The following DAZAP1 variants were observed in gnomAD, a reference collection of about 807,000 sequenced individuals.
DAZAP1 encodes the protein DAZ associated protein 1.
DAZAP1 carries 6 observed loss-of-function variants against 60.1 expected under a neutral mutation model. That is an observed-to-expected ratio of 0.10 (90% CI 0.05 to 0.20). DAZAP1 has a LOEUF of 0.20. Ranked by LOEUF, DAZAP1 falls within the 10% of genes least tolerant of loss-of-function variation. DAZAP1 has a pLI of 1.00. For synonymous variants in DAZAP1, 235 were observed against 215.9 expected (o/e 1.09, Z -0.78); for missense variants, 366 against 560.4 (o/e 0.65, Z 3.50).
At chr19:1,420,597 G>A (rs923295237) in intron 4 of DAZAP1, among the ~76,000 whole-genome samples, 5 of 152,122 alleles carry the variant, frequency 3.3e-5, no homozygotes, top group African/African-American at 9.7e-5. Flanking sequence ...CCCAGTGAGC[G>A]CCGAGGCCCC....
chr19:1,408,131 C>T (rs2082718298), intron 1 of DAZAP1, among the ~76,000 whole-genome samples: 1 of 151,456 alleles, frequency 6.6e-6, no homozygotes, highest in Admixed American at 6.6e-5. Flanking sequence ...GGGGGGTGTC[C>T]TGGGGCGCCC....
In DAZAP1 at chr19:1,433,434, A is replaced by G. The variant is rs182965746; in HGVS notation, c.1048+744A>G. On this transcript the variant is annotated intron_variant, in intron 11 of 11. Transcript: ENST00000233078. The surrounding 1 kb of genome is among the most constrained non-coding windows in gnomAD (Gnocchi z 6.1). ...ATGGGGCACCTGTCTGCAGGTGGCCACGGGCTTCCGGGGTGCCTGTGAACA... is the reference window on the plus strand; with the variant it reads ...ATGGGGCACCTGTCTGCAGGTGGCCGCGGGCTTCCGGGGTGCCTGTGAACA... 2.5e-5 allele frequency: 10 copies of G among 405,414 alleles called. No homozygotes were observed. In the East Asian group the frequency reaches 4.9e-4, roughly 20 times the overall value. 25.1% of individuals were successfully genotyped at this position (405,414 alleles called of 1,614,324 possible). A position where few individuals can be genotyped will look rare whatever the true frequency, so the allele number is the denominator to read the frequency against.
chr19:1,415,095 A>AC (rs569820167), intron 1 of DAZAP1, among the ~76,000 whole-genome samples: 188 of 151,644 alleles, frequency 1.2e-3, no homozygotes, highest in African/African-American at 2.5e-3. Flanking sequence ...AGGTTATCTA[A>AC]CCCCCCCGGC....
At position 1,407,619 on chromosome 19, in the gene DAZAP1, AGCCGCC is replaced by A. The variant is rs878911770; in HGVS notation, c.-117_-112del. The A allele has an allele frequency of 6.9e-3, 1,642 of 239,596 alleles. 22 individuals carry two copies. Among genetic ancestry groups the A allele is most frequent in the East Asian group, 0.041 (231 of 5,582 alleles). The allele number at this position is 239,596 out of a possible 1,614,324, so 14.8% of individuals were successfully genotyped here. Reference sequence around the variant, plus strand: ...ACCGTTGGCGCCGAGGGGAGGAGGCAGCCGCCGCCGCCGCCGCCGCCGCCGCCGCCG... The same window carrying A: ...ACCGTTGGCGCCGAGGGGAGGAGGCAGCCGCCGCCGCCGCCGCCGCCGCCG... On this transcript the variant is annotated 5_prime_UTR_variant, in exon 1 of 12. Coordinates refer to ENST00000233078, the MANE Select transcript of DAZAP1 (RefSeq NM_018959.4).
chr19:1,408,718 C>T (rs993448276), intron 1 of DAZAP1, among the ~76,000 whole-genome samples: 2 of 152,222 alleles, frequency 1.3e-5, no homozygotes, highest in African/African-American at 4.8e-5. Flanking sequence ...TTTGCTGCGC[C>T]GAGGCGTCCC....
chr19:1,431,794 A>T (rs1435453787), intron 10 of DAZAP1, among the ~76,000 whole-genome samples: 1 of 152,044 alleles, frequency 6.6e-6, no homozygotes, highest in Non-Finnish European at 1.5e-5. Context: ...CTAGCCAGGG[A>T]TTGCACCTCA....
chr19:1,413,989 C>CTCTGTG (rs1555780540), intron 1 of DAZAP1, among the ~76,000 whole-genome samples: 1 of 130,066 alleles, frequency 7.7e-6, no homozygotes, highest in South Asian at 2.9e-4. Context: ...CCCCAGTGAA[C>CTCTGTG]TGTGTGTGTG....
At chr19:1,407,934 C>G (rs867808041) in intron 1 of DAZAP1, 132 bp downstream of exon 1, 1 of 829,084 alleles carries the variant, frequency 1.2e-6, no homozygotes, top group African/African-American at 1.8e-5. Flanking sequence ...ACTCGGGACC[C>G]GGACTCGCCG....
chr19:1,428,689 A>G lies in DAZAP1; in HGVS notation c.547-153A>G. 1 of 944,930 alleles carries G rather than the reference A, an allele frequency of 1.1e-6. No homozygotes were observed. Among genetic ancestry groups the G allele is most frequent in the Non-Finnish European group, 1.5e-6 (1 of 645,798 alleles). 58.5% of individuals were successfully genotyped at this position (944,930 alleles called of 1,614,324 possible). ...ACACAAAAGAATTTTTTAAGAAAAA[A>G]ATGCTACTGGCCTAAATAAGGTTTA... On this transcript the variant is annotated intron_variant, in intron 7 of 11. Transcript: ENST00000233078. The surrounding 1 kb of genome is among the most constrained non-coding windows in gnomAD (Gnocchi z 4.0).
rs978282258 is a variant in DAZAP1 at position 1,432,205 on chromosome 19, G to T, written c.872-309G>T. The T allele has an allele frequency of 1.3e-5, 6 of 444,720 alleles. No homozygotes were observed. In the East Asian group the frequency reaches 2.3e-4, roughly 17 times the overall value. The allele number at this position is 444,720 out of a possible 1,614,324, so 27.5% of individuals were successfully genotyped here. Reference sequence around the variant, plus strand: ...TTTGTCCTTCTGAAAGAGCAATTTTGCTGTGAGGTTACTTGCTCCTTGAGT... The same window carrying T: ...TTTGTCCTTCTGAAAGAGCAATTTTTCTGTGAGGTTACTTGCTCCTTGAGT... On this transcript the variant is annotated intron_variant, in intron 10 of 11. Transcript: ENST00000233078. The surrounding 1 kb of genome is among the most constrained non-coding windows in gnomAD (Gnocchi z 4.9).
intron 1 of DAZAP1, among the ~76,000 whole-genome samples, chr19:1,415,563 G>T (rs1372420398): frequency 6.6e-6 from 1 of 151,946 alleles, no homozygotes; most frequent in African/African-American, 2.4e-5. Context: ...ATGTGGGCGG[G>T]GCTGGCCCTG....
chr19:1,430,269 C>CCCCCCGGAA lies in DAZAP1; in HGVS notation c.779_780insCCCCGGAAC (p.Pro261_Phe262insGlyThrPro). On this transcript the variant is annotated inframe_insertion, in exon 10 of 12. Transcript: ENST00000233078. ...AGGAAGAGGAGCCCCCCCGCCACCC[C>CCCCCCGGAA]CACCGTTCACCTCCTACATCGTGTC... 1.5e-6 allele frequency: 2 copies of CCCCCCGGAA among 1,356,196 alleles called. No individual in the cohort carries two copies. The highest frequency in any genetic ancestry group is 1.0e-6 in the Non-Finnish European group (1 of 971,284). 84.0% of individuals were successfully genotyped at this position (1,356,196 alleles called of 1,614,324 possible).
chr19:1,429,867 G>A, intron 8 of DAZAP1, 100 bp from the exon 9 acceptor site: 1 of 1,445,586 alleles, frequency 6.9e-7, no homozygotes, highest in Non-Finnish European at 9.5e-7. Context: ...GAGGCTCCGG[G>A]GTTGGTCCCA....
At chr19:1,429,171 C>T (rs2083378756) in intron 8 of DAZAP1, among the ~76,000 whole-genome samples, 176 bp downstream of exon 8, 1 of 152,114 alleles carries the variant, frequency 6.6e-6, no homozygotes, top group Non-Finnish European at 1.5e-5. Flanking sequence ...TCCCGGGCAG[C>T]ACCCGCAGCC....
chr19:1,418,149 C>T lies in DAZAP1; in HGVS notation c.71-55C>T, dbSNP rs1004048848. ...TGCGTGCCGGCAGCACTGCCAGGCA[C>T]GTGCCTAATGCTCTGGCCCTGTGTG... On this transcript the variant is annotated intron_variant, in intron 2 of 11. Coordinates refer to ENST00000233078, the MANE Select transcript of DAZAP1 (RefSeq NM_018959.4). The surrounding 1 kb of genome is among the most constrained non-coding windows in gnomAD (Gnocchi z 5.7). 26 of 1,588,956 alleles carry T rather than the reference C, an allele frequency of 1.6e-5. No homozygotes were observed. Among genetic ancestry groups the T allele is most frequent in the Admixed American group, 1.0e-4 (6 of 59,584 alleles).
At chr19:1,417,423 C>A in intron 1 of DAZAP1, 77 bp from the exon 2 acceptor site, 1 of 1,503,200 alleles carries the variant, frequency 6.7e-7, no homozygotes, top group Non-Finnish European at 9.1e-7. Flanking sequence ...TGAATTAAGA[C>A]CTCAGCTTGG....
Position 1,433,821 on chromosome 19 carries a change from G to A in DAZAP1, c.1049-916G>A. ...TTATGGTCAGGCTGAGCAGTGATGTGGCCTAGGTAGGTGCCGCCTCCTTCT... is the reference window on the plus strand; with the variant it reads ...TTATGGTCAGGCTGAGCAGTGATGTAGCCTAGGTAGGTGCCGCCTCCTTCT... On this transcript the variant is annotated intron_variant, in intron 11 of 11. Transcript: ENST00000233078. The surrounding 1 kb of genome is among the most constrained non-coding windows in gnomAD (Gnocchi z 6.1). 1 of 1,613,710 alleles carries A rather than the reference G, an allele frequency of 6.2e-7. No individual in the cohort carries two copies. The highest frequency in any genetic ancestry group is 2.2e-5 in the East Asian group (1 of 44,880).
intron 6 of DAZAP1, among the ~76,000 whole-genome samples, chr19:1,424,905 G>T (rs1452601143): frequency 6.6e-6 from 1 of 152,164 alleles, no homozygotes; most frequent in Non-Finnish European, 1.5e-5. Context: ...CACCTAGCCG[G>T]GGAGGCCTGG....
Position 1,426,869 on chromosome 19 carries a change from C to CG in DAZAP1, c.546+911dup, listed in dbSNP as rs533494909. 9.1e-4 allele frequency: 139 copies of CG among 152,298 alleles called. No homozygotes were observed. The highest frequency in any genetic ancestry group is 3.0e-3 in the African/African-American group (126 of 41,546). The allele number at this position is 152,298 out of a possible 1,614,324, so 9.4% of individuals were successfully genotyped here. On this transcript the variant is annotated intron_variant, in intron 7 of 11. Coordinates refer to ENST00000233078, the MANE Select transcript of DAZAP1 (RefSeq NM_018959.4). The surrounding 1 kb of genome is among the most constrained non-coding windows in gnomAD (Gnocchi z 5.4). ...TTGGTGCGGCAGCTTCTCCCGTTAA[C>CG]GGAAGAAGACGCTTAGCCCCTCTGA...
Sources: allele counts gnomAD v4.1 joint callset (sites outside exome capture counted in the v4.1 genomes callset), GRCh38; gene constraint gnomAD v4.1.1; non-coding constraint Gnocchi (gnomAD v3.1); transcripts MANE v1.5; gene names NCBI Gene and HGNC (gene_info 2026-07-23, HGNC 2026-07-21).